SMAD4: variants seen among roughly 807,000 people sequenced by gnomAD.
SMAD4 encodes the protein MAD homolog 4.
SMAD4 carries 7 observed loss-of-function variants against 63.2 expected under a neutral mutation model. That is an observed-to-expected ratio of 0.11 (90% CI 0.06 to 0.21). The LOEUF (loss-of-function observed/expected upper bound fraction) is 0.21. SMAD4 is among the 10% of genes least tolerant of loss of function. The pLI, the probability that SMAD4 is intolerant of heterozygous loss-of-function variation, is 1.00. For synonymous variants in SMAD4, 215 were observed against 235.4 expected, an observed-to-expected ratio of 0.91 and a Z score of 0.79; for missense variants, 312 against 693.8, an observed-to-expected ratio of 0.45 and a Z score of 6.18.
Position 51,079,937 on chromosome 18 carries a change from T to C in SMAD4, c.*1470T>C, listed in dbSNP as rs1015876625. The stretch of plus-strand genomic sequence containing the variant: ...CTCACACTCTACCGGGACTTCCCCA[T>C]GGACATTGTGTATCATGTGTAGAGT... On this transcript the variant is annotated 3_prime_UTR_variant, in exon 12 of 12. Transcript: ENST00000342988. The C allele has an allele frequency of 1.3e-5, 3 of 232,356 alleles. No individual in the cohort carries two copies. Among genetic ancestry groups the C allele is most frequent in the Non-Finnish European group, 2.5e-5 (3 of 117,662 alleles). The allele number at this position is 232,356 out of a possible 1,614,324, so 14.4% of individuals were successfully genotyped here. A position where few individuals can be genotyped will look rare whatever the true frequency, so the allele number is the denominator to read the frequency against.
chr18:51,081,229 C>G lies in SMAD4; in HGVS notation c.*2762C>G. 1 of 224,774 alleles carries G rather than the reference C, an allele frequency of 4.4e-6. No homozygotes were observed. Among genetic ancestry groups the G allele is most frequent in the African/African-American group, 2.2e-5 (1 of 44,896 alleles). 13.9% of individuals were successfully genotyped at this position (224,774 alleles called of 1,614,324 possible). A position where few individuals can be genotyped will look rare whatever the true frequency, so the allele number is the denominator to read the frequency against. On this transcript the variant is annotated 3_prime_UTR_variant, in exon 12 of 12. Coordinates refer to ENST00000342988, the MANE Select transcript of SMAD4 (RefSeq NM_005359.6). ...CTGGGTGGGTTTTCTCTAGCTAATT[C>G]ATATCTCAAAGAGTCTCAAAATGTT...
At chr18:51,063,901 T>C (rs1910082622) in intron 8 of SMAD4, among the ~76,000 whole-genome samples, 1 of 152,252 alleles carries the variant, frequency 6.6e-6, no homozygotes, top group Admixed American at 6.5e-5. Context: ...AATTATCCAA[T>C]CTTCATGTGA....
At chr18:51,057,578 C>T (rs1223418890) in intron 5 of SMAD4, among the ~76,000 whole-genome samples, 1 of 152,204 alleles carries the variant, frequency 6.6e-6, no homozygotes, top group Non-Finnish European at 1.5e-5. Context: ...ATTGATTGGA[C>T]AGCAGAGCTA....
Position 51,059,872 on chromosome 18 carries a change from T to G in SMAD4, c.911T>G (p.Val304Gly), listed in dbSNP as rs2144433191. The G allele has an allele frequency of 6.2e-7, 1 of 1,612,988 alleles. No individual in the cohort carries two copies. The highest frequency in any genetic ancestry group is 8.5e-7 in the Non-Finnish European group (1 of 1,179,068). Reference sequence around the variant, plus strand: ...TTTGTTGTCTTTTCTTTAGGGCCTGTTCACAATGAGCTTGCATTCCAGCCT... The same window carrying G: ...TTTGTTGTCTTTTCTTTAGGGCCTGGTCACAATGAGCTTGCATTCCAGCCT... The part of the protein sequence containing the change: ...MPPHPGHYWP[V>G]HNELAFQPPI... The change falls in exon 8 of 12, where the codon GTT becomes GGT. Residue 304 changes from valine (V) to glycine (G), a missense_variant. Physicochemically the swap from Val to Gly is moderately radical, Grantham distance 109. Transcript: ENST00000342988.
intron 6 of SMAD4, 23 bp from the exon 7 acceptor site, chr18:51,058,317 C>CA: frequency 6.2e-7 from 1 of 1,609,422 alleles, no homozygotes; most frequent in Non-Finnish European, 8.5e-7. Context: ...AGCAAATTAA[C>CA]CCATGTGGGC....
Position 51,079,428 on chromosome 18 carries a change from T to G in SMAD4, c.*961T>G. ...ATAAACTGAATATTTTGGAAACTGC[T>G]AAATTCTATGTTAAATACTGTGCAG... On this transcript the variant is annotated 3_prime_UTR_variant, in exon 12 of 12. Transcript: ENST00000342988. 4.3e-6 allele frequency: 1 copy of G among 233,498 alleles called. No homozygotes were observed. The highest frequency in any genetic ancestry group is 8.5e-6 in the Non-Finnish European group (1 of 117,958). The allele number at this position is 233,498 out of a possible 1,614,324, so 14.5% of individuals were successfully genotyped here. A position where few individuals can be genotyped will look rare whatever the true frequency, so the allele number is the denominator to read the frequency against.
intron 10 of SMAD4, among the ~76,000 whole-genome samples, chr18:51,073,388 T>TATATACACAC (rs1417299090): frequency 3.3e-4 from 21 of 64,152 alleles, no homozygotes; most frequent in African/African-American, 7.6e-4. Flanking sequence ...TATATATATA[T>TATATACACAC]ACACACACAC....
intron 5 of SMAD4, among the ~76,000 whole-genome samples, chr18:51,056,512 C>A (rs980007498): frequency 6.7e-6 from 1 of 149,724 alleles, no homozygotes; most frequent in African/African-American, 2.5e-5. Context: ...CCAGCTGCTC[C>A]GGGGGCTGAG....
chr18:51,062,860 T>TTTTTG (rs1440797835), intron 8 of SMAD4, among the ~76,000 whole-genome samples: 2 of 130,790 alleles, frequency 1.5e-5, no homozygotes, highest in Non-Finnish European at 3.3e-5. Context: ...TGTTTTTTTT[T>TTTTTG]TTTTTTTTTT....
chr18:51,055,094 A>G (rs994970027), intron 5 of SMAD4, 101 bp downstream of exon 5: 1 of 862,046 alleles, frequency 1.2e-6, no homozygotes, highest in South Asian at 1.3e-5. Context: ...AGTAAACATT[A>G]AAAGTAACTG....
chr18:51,076,831 G>T (rs756675575), intron 11 of SMAD4, 55 bp downstream of exon 11: 2 of 1,346,558 alleles, frequency 1.5e-6, no homozygotes, highest in East Asian at 2.4e-5. Flanking sequence ...TTTTTATCTT[G>T]ATTTACTCAG....
At chr18:51,056,620 CAAAAAA>C (rs74178610) in intron 5 of SMAD4, among the ~76,000 whole-genome samples, 215 of 59,314 alleles carry the variant, frequency 3.6e-3, no homozygotes, top group Middle Eastern at 0.013. Context: ...ACTCCATCTC[CAAAAAA>C]AAAAAAAAAA....
chr18:51,046,788 T>C (rs1171097961), intron 1 of SMAD4, 132 bp from the exon 2 acceptor site: 3 of 437,504 alleles, frequency 6.9e-6, no homozygotes, highest in Non-Finnish European at 1.2e-5. Flanking sequence ...AATTTTCAAC[T>C]CTGAGCATCA....
chr18:51,030,781 AGCCGGGCCGGGCGGGCCGGCTGAAT>A (rs1280213129), intron 1 of SMAD4, among the ~76,000 whole-genome samples, 158 bp downstream of exon 1: 8 of 150,914 alleles, frequency 5.3e-5, no homozygotes, highest in Non-Finnish European at 8.9e-5. Context: ...CGGCCTGACG[AGCCGGGCCGGGCGGGCCGGCTGAAT>A]GCCGGGCGGC....
intron 1 of SMAD4, among the ~76,000 whole-genome samples, chr18:51,044,644 C>T (rs749294360): frequency 3.9e-5 from 6 of 152,194 alleles, no homozygotes; most frequent in East Asian, 1.9e-4. Context: ...CCACCTGCGT[C>T]GGCCTCCCAA....
chr18:51,062,600 G>GC (rs1910042312), intron 8 of SMAD4, among the ~76,000 whole-genome samples: 1 of 151,638 alleles, frequency 6.6e-6, no homozygotes, highest in South Asian at 2.1e-4. Flanking sequence ...CCAGGTTCAA[G>GC]CCATTCTCCT....
intron 1 of SMAD4, among the ~76,000 whole-genome samples, chr18:51,044,627 A>G (rs1909483388): frequency 1.3e-5 from 2 of 152,202 alleles, no homozygotes; most frequent in Non-Finnish European, 2.9e-5. Flanking sequence ...TCCTGGGCTC[A>G]AGCGATCCAC....
intron 1 of SMAD4, among the ~76,000 whole-genome samples, chr18:51,037,895 C>A (rs1909251729): frequency 6.6e-6 from 1 of 152,148 alleles, no homozygotes. Flanking sequence ...AAGTGAAAAT[C>A]AGATTTTTGG....
intron 10 of SMAD4, among the ~76,000 whole-genome samples, chr18:51,071,552 A>G (rs1910319066): frequency 6.6e-6 from 1 of 152,236 alleles, no homozygotes; most frequent in Admixed American, 6.5e-5. Flanking sequence ...TTTCAAAAGT[A>G]AAATATGTTT....
Sources: allele counts gnomAD v4.1 joint callset (sites outside exome capture counted in the v4.1 genomes callset), GRCh38; gene constraint gnomAD v4.1.1; transcripts MANE v1.5; gene names NCBI Gene and HGNC (gene_info 2026-07-23, HGNC 2026-07-21).